VPS35: variants seen among roughly 807,000 people sequenced by gnomAD.
VPS35 encodes VPS35 retromer complex component.
VPS35 carries 21 observed loss-of-function variants against 98.1 expected under a neutral mutation model. That is an observed-to-expected ratio of 0.21 (90% CI 0.15 to 0.31). The LOEUF (loss-of-function observed/expected upper bound fraction) is 0.31. Ranked by LOEUF, VPS35 falls within the 10% of genes least tolerant of loss-of-function variation. The probability of loss-of-function intolerance (pLI) is 1.00; values close to 1 mark genes in which losing one functional copy is unlikely to be tolerated. For missense variants in VPS35, 554 were observed against 950.8 expected, an observed-to-expected ratio of 0.58 and a Z score of 5.49; for synonymous variants, 268 against 318.2, an observed-to-expected ratio of 0.84 and a Z score of 1.68.
intron 7 of VPS35, among the ~76,000 whole-genome samples, chr16:46,677,053 C>T (rs568171721): frequency 6.6e-6 from 1 of 151,874 alleles, no homozygotes; most frequent in Non-Finnish European, 1.5e-5. Context: ...AAAAGAAACA[C>T]TAAAAAAATT....
At chr16:46,684,526 T>A (rs1966282776) in intron 1 of VPS35, among the ~76,000 whole-genome samples, 2 of 152,186 alleles carry the variant, frequency 1.3e-5, no homozygotes, top group Admixed American at 6.5e-5. Flanking sequence ...ACAAAATATA[T>A]CTAGACACTC....
chr16:46,663,098 A>G lies in VPS35; in HGVS notation c.1712T>C (p.Leu571Ser). The change falls in exon 14 of 17, where the codon TTG becomes TCG. Residue 571 changes from leucine (L) to serine (S), a missense_variant. Coordinates refer to ENST00000299138, the MANE Select transcript of VPS35 (RefSeq NM_018206.6). The stretch of plus-strand genomic sequence containing the variant: ...CAATTCTGCCAGCTCTGCTTTGATC[A>G]AAGCACTGATAGTCTGGTGGGCAAA... ...FSFAHQTISA[L>S]IKAELAELPL... 1 of 1,614,236 alleles carries G rather than the reference A, an allele frequency of 6.2e-7. No homozygotes were observed. Among genetic ancestry groups the G allele is most frequent in the Non-Finnish European group, 8.5e-7 (1 of 1,180,040 alleles).
At position 46,657,397 on chromosome 16, in the gene VPS35, A is replaced by G. The variant is rs1328925446; in HGVS notation, c.*3075T>C. The G allele has an allele frequency of 3.3e-5, 5 of 152,130 alleles. No individual in the cohort carries two copies. The highest frequency in any genetic ancestry group is 3.3e-4 in the Admixed American group (5 of 15,280). 9.4% of individuals were successfully genotyped at this position (152,130 alleles called of 1,614,324 possible). On this transcript the variant is annotated 3_prime_UTR_variant, in exon 17 of 17. Transcript: ENST00000299138. ...TTGAGGTCTCTGAATGAGAGAGCAA[A>G]TGTTAACAGAAGACCCCTCTGGAAC...
intron 1 of VPS35, chr16:46,688,886 C>CCACAGAGA: frequency 6.9e-7 from 1 of 1,446,822 alleles, no homozygotes; most frequent in Non-Finnish European, 9.1e-7. Context: ...CAAGTCAACC[C>CCACAGAGA]CACAGAGAGG....
intron 16 of VPS35, 31 bp from the exon 17 acceptor site, chr16:46,660,682 A>C (rs769927810): frequency 6.9e-6 from 11 of 1,598,032 alleles, no homozygotes; most frequent in South Asian, 1.1e-5. Context: ...ATTCATGATC[A>C]AGCACGTACC....
At chr16:46,685,227 G>C (rs1380282047) in intron 1 of VPS35, among the ~76,000 whole-genome samples, 1 of 152,130 alleles carries the variant, frequency 6.6e-6, no homozygotes, top group Non-Finnish European at 1.5e-5. Context: ...CTCACACAAT[G>C]AGTTGAAGAG....
rs542974709 is a variant in VPS35, at chr16:46,659,889, G to C, written c.*583C>G. The C allele has an allele frequency of 6.6e-6, 1 of 152,440 alleles. No homozygotes were observed. Among genetic ancestry groups the C allele is most frequent in the Non-Finnish European group, 1.5e-5 (1 of 68,258 alleles). 9.4% of individuals were successfully genotyped at this position (152,440 alleles called of 1,614,324 possible). A position where few individuals can be genotyped will look rare whatever the true frequency, so the allele number is the denominator to read the frequency against. On this transcript the variant is annotated 3_prime_UTR_variant, in exon 17 of 17. Coordinates refer to ENST00000299138, the MANE Select transcript of VPS35 (RefSeq NM_018206.6). ...GCTGAGTCCAAATATGCAAAATATA[G>C]CTTCTGGTTTTGACCATGGTGCTTT...
chr16:46,687,827 T>C (rs1966343711), intron 1 of VPS35, among the ~76,000 whole-genome samples: 1 of 151,938 alleles, frequency 6.6e-6, no homozygotes, highest in Non-Finnish European at 1.5e-5. Flanking sequence ...AGACAGTGAC[T>C]GTGAAAGAAC....
In VPS35 at chr16:46,674,410, A is replaced by G. The variant is rs1966113418; in HGVS notation, c.1064T>C (p.Ile355Thr). 1 of 1,613,724 alleles carries G rather than the reference A, an allele frequency of 6.2e-7. No individual in the cohort carries two copies. Among genetic ancestry groups the G allele is most frequent in the Non-Finnish European group, 8.5e-7 (1 of 1,179,888 alleles). The change falls in exon 10 of 17, where the codon ATT (isoleucine) becomes ACT (threonine). Residue 355 changes from isoleucine (I) to threonine (T), a missense_variant. By Grantham distance (89) the Ile-to-Thr change is moderately conservative. Coordinates refer to ENST00000299138, the MANE Select transcript of VPS35 (RefSeq NM_018206.6). Reference sequence around the variant, plus strand: ...AGGGTAACATTTCATGGCAAGATTAATCAGAGAGACTTGTAAAGATACAAC... The same window carrying G: ...AGGGTAACATTTCATGGCAAGATTAGTCAGAGAGACTTGTAAAGATACAAC... ...EDVVSLQVSL[I>T]NLAMKCYPDR...
chr16:46,674,721 T>C, intron 8 of VPS35, 61 bp from the exon 9 acceptor site: 3 of 1,327,854 alleles, frequency 2.3e-6, no homozygotes, highest in African/African-American at 1.5e-5. Context: ...AGTGAGATCA[T>C]GGATGACATC....
rs1009763693 is a variant in VPS35 at position 46,656,911 on chromosome 16, C to T, written c.*3561G>A. The T allele has an allele frequency of 1.3e-5, 2 of 152,366 alleles. No homozygotes were observed. Among genetic ancestry groups the T allele is most frequent in the Non-Finnish European group, 2.9e-5 (2 of 68,208 alleles). The allele number at this position is 152,366 out of a possible 1,614,324, so 9.4% of individuals were successfully genotyped here. Reference sequence around the variant, plus strand: ...ATCCCAGCTACTCGGGAGGCTGAGGCAGGAGAATTGCTTGAACTGGGGAGG... The same window carrying T: ...ATCCCAGCTACTCGGGAGGCTGAGGTAGGAGAATTGCTTGAACTGGGGAGG... On this transcript the variant is annotated 3_prime_UTR_variant, in exon 17 of 17. Transcript: ENST00000299138.
intron 5 of VPS35, among the ~76,000 whole-genome samples, chr16:46,679,754 T>A (rs1300846166): frequency 1.3e-5 from 2 of 152,220 alleles, no homozygotes; most frequent in African/African-American, 4.8e-5. Context: ...AAAATTGTTA[T>A]TGATTGCCTA....
At chr16:46,665,838 T>A (rs1257993231) in intron 13 of VPS35, among the ~76,000 whole-genome samples, 1 of 152,158 alleles carries the variant, frequency 6.6e-6, no homozygotes, top group Non-Finnish European at 1.5e-5. Context: ...TCACCCAGGC[T>A]GGAGCGCAAA....
intron 12 of VPS35, chr16:46,669,263 T>C: frequency 1.6e-6 from 1 of 620,254 alleles, no homozygotes; most frequent in Non-Finnish European, 2.8e-6. Context: ...TGGGGAAGCC[T>C]GAGTTTCAGA....
At chr16:46,668,463 T>C (rs2143006903) in intron 13 of VPS35, among the ~76,000 whole-genome samples, 1 of 152,252 alleles carries the variant, frequency 6.6e-6, no homozygotes, top group East Asian at 1.9e-4. Flanking sequence ...TGTCCAACTT[T>C]CAGGTACGTG....
At chr16:46,677,487 G>GA in intron 6 of VPS35, 89 bp from the exon 7 acceptor site, 1 of 1,082,390 alleles carries the variant, frequency 9.2e-7, no homozygotes, top group Non-Finnish European at 1.4e-6. Context: ...CTACTAACTT[G>GA]AAAATCGTAT....
chr16:46,671,806 G>A lies in VPS35; in HGVS notation c.1423C>T (p.Pro475Ser). 1.2e-6 allele frequency: 2 copies of A among 1,613,802 alleles called. No homozygotes were observed. The highest frequency in any genetic ancestry group is 1.7e-6 in the Non-Finnish European group (2 of 1,179,992). Reference sequence around the variant, plus strand: ...TCTTCTGGATCAGGGTCTTCTACAGGTTGATCTGGCTGATCTTGAATCAAC... The same window carrying A: ...TCTTCTGGATCAGGGTCTTCTACAGATTGATCTGGCTGATCTTGAATCAAC... ...STLIQDQPDQ[P>S]VEDPDPEDFA... The change falls in exon 12 of 17, where the codon CCT becomes TCT. Residue 475 changes from proline (P) to serine (S), a missense_variant. Physicochemically the swap from Pro to Ser is moderately conservative, Grantham distance 74. Around this residue, in one of 5 missense-constraint regions of VPS35, gnomAD observed 254 missense variants for 390.1 expected, o/e 0.65. Coordinates refer to ENST00000299138, the MANE Select transcript of VPS35 (RefSeq NM_018206.6).
chr16:46,672,053 T>C (rs1966077755), intron 11 of VPS35, among the ~76,000 whole-genome samples, 193 bp from the exon 12 acceptor site: 1 of 152,258 alleles, frequency 6.6e-6, no homozygotes, highest in South Asian at 2.1e-4. Flanking sequence ...ATGCACCAAA[T>C]GTTAATTAAC....
Position 46,686,193 on chromosome 16 carries a change from T to C in VPS35, c.4-2587A>G, listed in dbSNP as rs562574820. 9.8e-5 allele frequency among the ~76,000 whole-genome samples: 15 copies of C among 152,300 alleles called. No homozygotes were observed. In the East Asian group the frequency reaches 2.9e-3, roughly 29 times the overall value. On this transcript the variant is annotated intron_variant, in intron 1 of 16. Coordinates refer to ENST00000299138, the MANE Select transcript of VPS35 (RefSeq NM_018206.6). ...CCATAATATCTTCAATGTTCATCCA[T>C]GTTGCAGTATGTGCCAGAATTTCCC...
Sources: gnomAD v4.1 joint callset for allele counts (sites outside exome capture counted in the v4.1 genomes callset) on GRCh38, gnomAD v4.1.1 for gene constraint, gnomAD v4.1.1 regional missense constraint, MANE v1.5 for transcripts, NCBI Gene and HGNC (gene_info 2026-07-23, HGNC 2026-07-21) for gene names.